PCSK2: variants seen among roughly 807,000 people sequenced by gnomAD.
PCSK2 encodes the protein neuroendocrine convertase 2.
In PCSK2, 14 loss-of-function variants were observed where a neutral mutation model predicts 69.7. The ratio of observed to expected loss-of-function variants is 0.20; its 90% CI spans 0.13 to 0.31. PCSK2 has a LOEUF of 0.31. Ranked by LOEUF, PCSK2 falls within the 10% of genes least tolerant of loss-of-function variation. PCSK2 has a pLI of 1.00. For missense variants in PCSK2, 544 were observed against 842.5 expected (o/e 0.65, Z 4.39); for synonymous variants, 307 against 320.7 (o/e 0.96, Z 0.46).
intron 6 of PCSK2, among the ~76,000 whole-genome samples, chr20:17,422,305 C>G (rs559794714): frequency 6.6e-6 from 1 of 152,018 alleles, no homozygotes; most frequent in Non-Finnish European, 1.5e-5. Context: ...CCCTATCATC[C>G]CTTTAATTCA....
At chr20:17,384,063 C>A (rs967283908) in intron 5 of PCSK2, among the ~76,000 whole-genome samples, 4 of 152,114 alleles carry the variant, frequency 2.6e-5, no homozygotes, top group African/African-American at 7.2e-5. Flanking sequence ...TATACACTCT[C>A]ATTTTGATAT....
At chr20:17,420,597 T>C (rs2032101841) in intron 6 of PCSK2, among the ~76,000 whole-genome samples, 1 of 152,132 alleles carries the variant, frequency 6.6e-6, no homozygotes, top group Non-Finnish European at 1.5e-5. Flanking sequence ...TGGAGAAAAT[T>C]ATAAAGATGG....
At chr20:17,305,149 T>C (rs916593147) in intron 2 of PCSK2, among the ~76,000 whole-genome samples, 1 of 152,198 alleles carries the variant, frequency 6.6e-6, no homozygotes, top group African/African-American at 2.4e-5. Flanking sequence ...CCAAAATATG[T>C]TTACTAATAA....
chr20:17,331,575 C>G (rs1990207468), intron 2 of PCSK2, among the ~76,000 whole-genome samples: 1 of 152,190 alleles, frequency 6.6e-6, no homozygotes, highest in Non-Finnish European at 1.5e-5. Context: ...AGGATAAGCT[C>G]TGGCATTTAT....
chr20:17,449,543 T>C (rs1201083067), intron 8 of PCSK2, among the ~76,000 whole-genome samples: 1 of 149,892 alleles, frequency 6.7e-6, no homozygotes, highest in African/African-American at 2.5e-5. Flanking sequence ...TATATATGTA[T>C]ATTTGAGACT....
At chr20:17,362,522 G>A (rs1600522215) in intron 4 of PCSK2, among the ~76,000 whole-genome samples, 2 of 152,290 alleles carry the variant, frequency 1.3e-5, no homozygotes, top group East Asian at 3.9e-4. Flanking sequence ...ATGGGAGGCT[G>A]AAAAGGCTCA....
chr20:17,379,530 T>G (rs2031029037), intron 5 of PCSK2, among the ~76,000 whole-genome samples: 1 of 152,244 alleles, frequency 6.6e-6, no homozygotes, highest in African/African-American at 2.4e-5. Flanking sequence ...ACTATAACTG[T>G]CATTTTGGCT....
intron 5 of PCSK2, among the ~76,000 whole-genome samples, chr20:17,374,631 G>A (rs1169000128): frequency 6.6e-6 from 1 of 152,122 alleles, no homozygotes; most frequent in Non-Finnish European, 1.5e-5. Flanking sequence ...AGCTGGGAAG[G>A]AGGAAATTGA....
chr20:17,444,245 C>A (rs902535786), intron 8 of PCSK2, among the ~76,000 whole-genome samples: 2 of 152,132 alleles, frequency 1.3e-5, no homozygotes, highest in Admixed American at 6.6e-5. Flanking sequence ...GTTTGACCAA[C>A]ATGGTAATGA....
At chr20:17,285,490 A>G (rs1009298353) in intron 2 of PCSK2, among the ~76,000 whole-genome samples, 3 of 152,208 alleles carry the variant, frequency 2.0e-5, no homozygotes, top group African/African-American at 4.8e-5. Context: ...GGGTGACTCT[A>G]TTTTGATCTT....
intron 11 of PCSK2, among the ~76,000 whole-genome samples, chr20:17,466,261 C>T (rs2033099452): frequency 6.6e-6 from 1 of 152,208 alleles, no homozygotes; most frequent in Non-Finnish European, 1.5e-5. Context: ...CTTAACTTGC[C>T]TGTTCCATAC....
At chr20:17,480,123 G>A (rs73900851) in intron 11 of PCSK2, among the ~76,000 whole-genome samples, 5,032 of 149,214 alleles carry the variant, frequency 0.034, 308 homozygotes, top group African/African-American at 0.12. Context: ...CTCCCCCAAA[G>A]TCTCCTGATC....
intron 6 of PCSK2, among the ~76,000 whole-genome samples, chr20:17,417,789 G>A (rs375338669): frequency 2.6e-5 from 4 of 152,234 alleles, no homozygotes; most frequent in East Asian, 1.9e-4. Context: ...ATTACTTATG[G>A]CTTGTGGCAG....
intron 2 of PCSK2, among the ~76,000 whole-genome samples, chr20:17,308,580 G>C (rs1989403842): frequency 6.6e-6 from 1 of 152,208 alleles, no homozygotes; most frequent in Non-Finnish European, 1.5e-5. Flanking sequence ...GTATCAAGTA[G>C]CTATTGTTGC....
Position 17,268,060 on chromosome 20 carries a change from T to TATAA in PCSK2, c.282+7717_282+7720dup, listed in dbSNP as rs1555783170. ...ATATATATATATATATATATATATA[T>TATAA]ATAATGCATTTATATAGCCTCTATT... On this transcript the variant is annotated intron_variant, in intron 2 of 11. Transcript: ENST00000262545. 1.1e-3 allele frequency among the ~76,000 whole-genome samples: 159 copies of TATAA among 146,226 alleles called. 2 individuals carry two copies. The highest frequency in any genetic ancestry group is 3.7e-3 in the African/African-American group (148 of 39,556).
intron 7 of PCSK2, among the ~76,000 whole-genome samples, chr20:17,430,214 G>GA (rs924536983): frequency 4.0e-5 from 6 of 150,530 alleles, no homozygotes; most frequent in African/African-American, 7.3e-5. Context: ...TCCCCTCTCA[G>GA]AAAAAAAAAG....
At chr20:17,448,220 C>G (rs968757662) in intron 8 of PCSK2, among the ~76,000 whole-genome samples, 1 of 152,168 alleles carries the variant, frequency 6.6e-6, no homozygotes, top group Non-Finnish European at 1.5e-5. Flanking sequence ...CATACCAACC[C>G]CAGACCAGCA....
chr20:17,333,272 A>G (rs544667065), intron 2 of PCSK2, among the ~76,000 whole-genome samples: 1 of 152,340 alleles, frequency 6.6e-6, no homozygotes, highest in South Asian at 2.1e-4. Context: ...AATCTGAATG[A>G]AGAGTATGTA....
chr20:17,404,565 C>A (rs2031713019), intron 5 of PCSK2, among the ~76,000 whole-genome samples: 2 of 152,186 alleles, frequency 1.3e-5, no homozygotes, highest in Non-Finnish European at 2.9e-5. Context: ...GCCTGATAAC[C>A]CACCTTCAGC....
Sources: allele counts gnomAD v4.1 joint callset (sites outside exome capture counted in the v4.1 genomes callset), GRCh38; gene constraint gnomAD v4.1.1; transcripts MANE v1.5; gene names NCBI Gene and HGNC (gene_info 2026-07-23, HGNC 2026-07-21).